ARID1B: variants seen among roughly 807,000 people sequenced by gnomAD.
ARID1B encodes the protein AT-rich interaction domain 1B, also known as AT-rich interactive domain-containing protein 1B.
ARID1B carries 30 observed loss-of-function variants against 212.3 expected under a neutral mutation model. That is an observed-to-expected ratio of 0.14 (90% CI 0.11 to 0.19). The LOEUF (loss-of-function observed/expected upper bound fraction) is 0.19. ARID1B is among the 10% of genes least tolerant of loss of function. The pLI is 1.00. For missense variants in ARID1B, 2,891 were observed against 3,204.0 expected, an observed-to-expected ratio of 0.90 and a Z score of 2.36; for synonymous variants, 1,402 against 1,301.7, an observed-to-expected ratio of 1.08 and a Z score of -1.66.
chr6:157,062,175 CCT>C (rs1253482117), intron 4 of ARID1B, among the ~76,000 whole-genome samples: 10 of 151,896 alleles, frequency 6.6e-5, no homozygotes, highest in Non-Finnish European at 1.5e-4. Context: ...TGTATGTTCC[CCT>C]GTTTCTGTTT....
chr6:157,129,397 G>A (rs1028503361), intron 6 of ARID1B, among the ~76,000 whole-genome samples: 1 of 152,236 alleles, frequency 6.6e-6, no homozygotes, highest in South Asian at 2.1e-4. Flanking sequence ...GCTTAGAAAG[G>A]AGTCAGGGAA....
intron 2 of ARID1B, among the ~76,000 whole-genome samples, chr6:156,834,289 A>G (rs1003045896): frequency 6.6e-6 from 1 of 152,154 alleles, no homozygotes; most frequent in African/African-American, 2.4e-5. Context: ...TAGACTTCCT[A>G]TGTTTGCGAC....
intron 16 of ARID1B, among the ~76,000 whole-genome samples, chr6:157,196,556 G>A (rs960199942): frequency 2.0e-5 from 3 of 152,302 alleles, no homozygotes; most frequent in Non-Finnish European, 4.4e-5. Flanking sequence ...TCTTCCCGAA[G>A]TCAAGAGCCA....
chr6:156,778,034 C>T lies in ARID1B; in HGVS notation c.354C>T (p.Ser118=), dbSNP rs1376475558. Residue 118 remains serine, a synonymous_variant, in exon 1 of 20, where the codon TCC becomes TCT. Coordinates refer to ENST00000636930, the MANE Select transcript of ARID1B (RefSeq NM_001374828.1). ...LKEGGSAAAL[S]SSSSSSAAAA... is the part of the protein sequence containing the mutation. ...AGGGTGGAAGCGCCGCCGCGCTGTC[C>T]TCCTCCTCCTCCTCCTCCGCGGCGG... is the stretch of plus-strand genomic sequence containing the variant. 7.0e-7 allele frequency: 1 copy of T among 1,427,312 alleles called. No homozygotes were observed. Among genetic ancestry groups the T allele is most frequent in the East Asian group, 2.7e-5 (1 of 37,020 alleles). The allele number at this position is 1,427,312 out of a possible 1,614,324, so 88.4% of individuals were successfully genotyped here.
chr6:157,053,682 G>A (rs1782750681), intron 4 of ARID1B, among the ~76,000 whole-genome samples: 2 of 152,138 alleles, frequency 1.3e-5, no homozygotes, highest in African/African-American at 4.8e-5. Flanking sequence ...ATGAGATTAG[G>A]AAAAGAATCA....
intron 4 of ARID1B, among the ~76,000 whole-genome samples, chr6:157,072,843 A>G (rs1179160224): frequency 6.6e-6 from 1 of 152,232 alleles, no homozygotes; most frequent in Admixed American, 6.5e-5. Context: ...GAGATGTTAA[A>G]TCACTTGCCC....
At position 157,190,674 on chromosome 6, in the gene ARID1B, CAG is replaced by C. The variant is rs1384538424; in HGVS notation, c.4231+467_4231+468del. 6.6e-6 allele frequency among the ~76,000 whole-genome samples: 1 copy of C among 152,226 alleles called. No homozygotes were observed. The highest frequency in any genetic ancestry group is 1.5e-5 in the Non-Finnish European group (1 of 68,050). Reference sequence around the variant, plus strand: ...GGCGCTAGCTCGTGGATTGGTAAATCAGAGTCGCTGCCCACCTTCAGGGAATC... The same window carrying C: ...GGCGCTAGCTCGTGGATTGGTAAATCAGTCGCTGCCCACCTTCAGGGAATC... On this transcript the variant is annotated intron_variant, in intron 15 of 19. Coordinates refer to ENST00000636930, the MANE Select transcript of ARID1B (RefSeq NM_001374828.1). The surrounding 1 kb of genome is among the most constrained non-coding windows in gnomAD (Gnocchi z 4.6).
intron 6 of ARID1B, among the ~76,000 whole-genome samples, chr6:157,116,675 G>A (rs955464015): frequency 3.3e-5 from 5 of 151,878 alleles, no homozygotes; most frequent in Admixed American, 1.3e-4. Context: ...TTCTGTTGCT[G>A]GAGGCAGTTC....
chr6:156,807,493 T>G (rs2127969623), intron 1 of ARID1B, among the ~76,000 whole-genome samples: 1 of 152,076 alleles, frequency 6.6e-6, no homozygotes, highest in East Asian at 1.9e-4. Context: ...TGTAGTGCAT[T>G]AGTATAGTTT....
At chr6:156,890,331 A>T (rs1172599938) in intron 2 of ARID1B, among the ~76,000 whole-genome samples, 1 of 152,236 alleles carries the variant, frequency 6.6e-6, no homozygotes, top group Non-Finnish European at 1.5e-5. Context: ...ATGTCTTTAT[A>T]ATCTTATATC....
In ARID1B at chr6:157,200,702, C is replaced by T; in HGVS notation, c.4480-3C>T. On this transcript the variant is annotated splice_polypyrimidine_tract_variant and splice_region_variant and intron_variant, in intron 17 of 19. Coordinates refer to ENST00000636930, the MANE Select transcript of ARID1B (RefSeq NM_001374828.1). This position sits in a 1 kb window ranked among gnomAD's most constrained non-coding sequence, Gnocchi z 4.3. Reference sequence around the variant, plus strand: ...GGATGATTTGTCTTTCTGTGAATTCCAGAATTACAAACGCCATATGGACGG... The same window carrying T: ...GGATGATTTGTCTTTCTGTGAATTCTAGAATTACAAACGCCATATGGACGG... 6 of 1,590,476 alleles carry T rather than the reference C, an allele frequency of 3.8e-6. No homozygotes were observed. Among genetic ancestry groups the T allele is most frequent in the Non-Finnish European group, 5.1e-6 (6 of 1,168,424 alleles).
intron 8 of ARID1B, among the ~76,000 whole-genome samples, chr6:157,157,523 A>G (rs1790653319): frequency 6.6e-6 from 1 of 152,206 alleles, no homozygotes; most frequent in Non-Finnish European, 1.5e-5. Flanking sequence ...TTTTGGGCTG[A>G]AGGCAGCAGG....
rs138420186 is a variant in ARID1B, at chr6:156,931,826, G to A, written c.2137-3640G>A. On this transcript the variant is annotated intron_variant, in intron 3 of 19. Transcript: ENST00000636930. ...AAAGATACAAAATTAGCAAGGCATG[G>A]TGGCGCATGCCTGTAATCCCAGCTA... is the stretch of plus-strand genomic sequence containing the variant. Among the ~76,000 whole-genome samples, 830 of 152,020 alleles carry A rather than the reference G, an allele frequency of 5.5e-3. 12 individuals are homozygous for A. Among genetic ancestry groups the A allele is most frequent in the African/African-American group, 0.019 (793 of 41,432 alleles).
intron 2 of ARID1B, among the ~76,000 whole-genome samples, chr6:156,887,183 A>G (rs1204185820): frequency 6.6e-6 from 1 of 151,932 alleles, no homozygotes; most frequent in Non-Finnish European, 1.5e-5. Flanking sequence ...TAGGGACAAA[A>G]CCCCCAGCCT....
intron 2 of ARID1B, among the ~76,000 whole-genome samples, chr6:156,883,216 T>A (rs1787240269): frequency 6.6e-6 from 1 of 152,234 alleles, no homozygotes; most frequent in African/African-American, 2.4e-5. Context: ...TCTTTATTCT[T>A]GGTAGCATTA....
intron 2 of ARID1B, among the ~76,000 whole-genome samples, chr6:156,853,745 G>C (rs1013692836): frequency 6.6e-6 from 1 of 152,216 alleles, no homozygotes; most frequent in South Asian, 2.1e-4. Flanking sequence ...TTTGTTTTTA[G>C]TTTTGTTTTA....
chr6:156,961,425 C>G (rs567953668), intron 4 of ARID1B, among the ~76,000 whole-genome samples: 1 of 152,200 alleles, frequency 6.6e-6, no homozygotes, highest in Non-Finnish European at 1.5e-5. Flanking sequence ...TTGCCTCTTC[C>G]GGGCAGTGCT....
At chr6:156,989,232 C>G (rs1193723515) in intron 4 of ARID1B, among the ~76,000 whole-genome samples, 1 of 152,194 alleles carries the variant, frequency 6.6e-6, no homozygotes, top group African/African-American at 2.4e-5. Context: ...CACACTATGT[C>G]TCTACTCCCA....
chr6:156,934,840 ATGAACTAGTCTTCTTCC>A (rs1212429792), intron 3 of ARID1B, among the ~76,000 whole-genome samples: 4 of 146,300 alleles, frequency 2.7e-5, no homozygotes. Context: ...CCCTGTTTTT[ATGAACTAGTCTTCTTCC>A]TGCAAAACTC....
Sources: allele counts gnomAD v4.1 joint callset (sites outside exome capture counted in the v4.1 genomes callset), GRCh38; gene constraint gnomAD v4.1.1; non-coding constraint Gnocchi (gnomAD v3.1); transcripts MANE v1.5; gene names NCBI Gene and HGNC (gene_info 2026-07-23, HGNC 2026-07-21).